Variants in DMC1 observed in about 807,000 individuals in gnomAD.
The protein encoded by DMC1 is DNA meiotic recombinase 1.
In DMC1, 27 loss-of-function variants were observed where a neutral mutation model predicts 50.1. That is an observed-to-expected ratio of 0.54 (90% CI 0.40 to 0.74). The LOEUF (loss-of-function observed/expected upper bound fraction) is 0.74, where lower values mean the gene tolerates loss of function less well. Ranked by LOEUF, DMC1 falls within the 30% of genes least tolerant of loss-of-function variation. DMC1 has a pLI of 0.00. For missense variants in DMC1, 295 were observed against 420.2 expected, an observed-to-expected ratio of 0.70 and a Z score of 2.60; for synonymous variants, 148 against 136.1, an observed-to-expected ratio of 1.09 and a Z score of -0.61.
chr22:38,535,551 GT>G (rs912421421), intron 12 of DMC1, among the ~76,000 whole-genome samples: 1 of 151,682 alleles, frequency 6.6e-6, no homozygotes, highest in African/African-American at 2.4e-5. Context: ...CATTGCACTA[GT>G]TTTTTAACTT....
At chr22:38,538,506 A>C in intron 10 of DMC1, 33 bp downstream of exon 10, 1 of 1,608,676 alleles carries the variant, frequency 6.2e-7, no homozygotes, top group Non-Finnish European at 8.5e-7. Flanking sequence ...TATGCTAAAT[A>C]GCTCTGTGAA....
intron 9 of DMC1, 124 bp from the exon 10 acceptor site, chr22:38,538,736 T>G (rs949748108): frequency 1.2e-6 from 1 of 865,172 alleles, no homozygotes; most frequent in African/African-American, 1.7e-5. Flanking sequence ...ATTGATGACT[T>G]TATTAAATAT....
At chr22:38,512,269 C>T in the DMC1 span, among the ~76,000 whole-genome samples, 3 of 152,044 alleles carry the variant, frequency 2.0e-5, no homozygotes, top group African/African-American at 7.2e-5. Flanking sequence ...GCCACTGCAC[C>T]CAGACTGCCT....
At chr22:38,557,008 A>G (rs1180458673) in intron 5 of DMC1, among the ~76,000 whole-genome samples, 2 of 152,184 alleles carry the variant, frequency 1.3e-5, no homozygotes, top group African/African-American at 4.8e-5. Context: ...GAAATCTTAT[A>G]GGCCCAGCAA....
At chr22:38,568,055 C>A in intron 2 of DMC1, 151 bp downstream of exon 2, 1 of 739,130 alleles carries the variant, frequency 1.4e-6, no homozygotes, top group Non-Finnish European at 2.3e-6. Context: ...CTAATCTTAG[C>A]ATCCTTGCCA....
At chr22:38,560,746 A>C (rs1178934721) in intron 5 of DMC1, among the ~76,000 whole-genome samples, 1 of 152,006 alleles carries the variant, frequency 6.6e-6, no homozygotes, top group African/African-American at 2.4e-5. Context: ...AGCATAAACA[A>C]ATGTAGAAAA....
rs181137457 is a variant in DMC1, at chr22:38,536,108, C to T, written c.836+1484G>A. Among the ~76,000 whole-genome samples, 355 of 151,440 alleles carry T rather than the reference C, an allele frequency of 2.3e-3. 1 individual carries two copies. The Middle Eastern group carries it at 0.031, about 13-fold the overall frequency. ...TGGCGATGTGTGCCTCCCAGCTGCT[C>T]GGGAGGCTGAGGCTGGAGCATCACC... On this transcript the variant is annotated intron_variant, in intron 12 of 13. Transcript: ENST00000216024.
chr22:38,561,217 C>T (rs1015013681), intron 5 of DMC1, among the ~76,000 whole-genome samples: 3 of 151,356 alleles, frequency 2.0e-5, no homozygotes, highest in Non-Finnish European at 4.4e-5. Context: ...CTCAGTTTGC[C>T]GTTAGGATGA....
At position 38,537,592 on chromosome 22, in the gene DMC1, G is replaced by T; in HGVS notation, c.836C>A (p.Thr279Asn). 6.2e-7 allele frequency: 1 copy of T among 1,612,860 alleles called. No individual in the cohort carries two copies. The highest frequency in any genetic ancestry group is 8.5e-7 in the Non-Finnish European group (1 of 1,178,940). Residue 279 changes from threonine (T) to asparagine (N), a missense_variant and splice_region_variant, in exon 12 of 14, where the codon ACC (threonine) becomes AAC (asparagine). By Grantham distance (65) the Thr-to-Asn change is moderately conservative (BLOSUM62 0). Coordinates refer to ENST00000216024, the MANE Select transcript of DMC1 (RefSeq NM_007068.4). ...TAAAAAGTAGAATATTGGGGCTTAC[G>T]TCATAGTTGCTCCTGGATCGGCAGT... is the stretch of plus-strand genomic sequence containing the variant. ...QMTADPGATM[T>N]FQADPKKPIG...
Position 38,570,063 on chromosome 22 carries a change from C to G in DMC1, c.-54G>C, listed in dbSNP as rs2090623519. ...CTTACCCCCCTCGTACCCACAGTCT[C>G]CCCGAGATTTTCAAGGTGAAGCCCC... On this transcript the variant is annotated 5_prime_UTR_variant, in exon 1 of 14. Transcript: ENST00000216024. The G allele has an allele frequency of 6.6e-6, 1 of 152,202 alleles. No individual in the cohort carries two copies. Among genetic ancestry groups the G allele is most frequent in the African/African-American group, 2.4e-5 (1 of 41,416 alleles). 9.4% of individuals were successfully genotyped at this position (152,202 alleles called of 1,614,324 possible). A position where few individuals can be genotyped will look rare whatever the true frequency, so the allele number is the denominator to read the frequency against.
At chr22:38,566,827 T>C in intron 3 of DMC1, 91 bp from the exon 4 acceptor site, 2 of 1,335,026 alleles carry the variant, frequency 1.5e-6, no homozygotes, top group Non-Finnish European at 2.1e-6. Flanking sequence ...TCCATCTCCT[T>C]CCACCATGAT....
At chr22:38,522,220 GGGTTACAAGCAC>G in intron 12 of DMC1, among the ~76,000 whole-genome samples, 2 of 150,716 alleles carry the variant, frequency 1.3e-5, no homozygotes, top group Admixed American at 1.3e-4. Flanking sequence ...CAAAGTGCTG[GGGTTACAAGCAC>G]GAGCCACTGT....
rs974898588 is a variant in DMC1, at chr22:38,538,602, C to G, written c.597G>C (p.Gln199His). The G allele has an allele frequency of 6.2e-7, 1 of 1,613,692 alleles. No individual in the cohort carries two copies. The highest frequency in any genetic ancestry group is 1.1e-5 in the South Asian group (1 of 91,086). The change falls in exon 10 of 14, where the codon CAG becomes CAC. Residue 199 changes from glutamine (Q) to histidine (H), a missense_variant. Gln to His is a conservative substitution (Grantham distance 24). Transcript: ENST00000216024. The part of the protein sequence containing the change: ...LYARAYTSEH[Q>H]MELLDYVAAK... ...CTGCTACATAATCAAGTAGCTCCAT[C>G]TGATGTTCACCTGATGGGAAATGCA...
intron 5 of DMC1, among the ~76,000 whole-genome samples, chr22:38,561,552 G>C (rs1411661604): frequency 6.6e-6 from 1 of 152,132 alleles, no homozygotes; most frequent in Non-Finnish European, 1.5e-5. Context: ...TCTAAGATGA[G>C]GGAGACTTTG....
intron 12 of DMC1, among the ~76,000 whole-genome samples, chr22:38,527,516 C>CTTTTT (rs891065117): frequency 1.6e-5 from 2 of 127,270 alleles, no homozygotes; most frequent in Non-Finnish European, 3.3e-5. Context: ...CCTTTTTCTC[C>CTTTTT]TTTTTTTTTT....
chr22:38,544,278 A>T (rs1301844891), intron 8 of DMC1, among the ~76,000 whole-genome samples: 1 of 152,230 alleles, frequency 6.6e-6, no homozygotes, highest in Non-Finnish European at 1.5e-5. Context: ...CTTATGGCAA[A>T]CCTGCCTTTC....
At chr22:38,536,936 C>T (rs1602730914) in intron 12 of DMC1, among the ~76,000 whole-genome samples, 1 of 152,112 alleles carries the variant, frequency 6.6e-6, no homozygotes, top group Non-Finnish European at 1.5e-5. Flanking sequence ...CTGCAACCTC[C>T]GCCTCCCAGG....
At chr22:38,552,538 TCTGCCTGTGTTTTAGTTTC>T in intron 7 of DMC1, 109 bp downstream of exon 7, 2 of 755,268 alleles carry the variant, frequency 2.6e-6, no homozygotes, top group Non-Finnish European at 4.6e-6. Context: ...GTTTACTTAA[TCTGCCTGTGTTTTAGTTTC>T]CTTGCAAGTA....
At chr22:38,534,774 G>T (rs1233345613) in intron 12 of DMC1, among the ~76,000 whole-genome samples, 1 of 151,878 alleles carries the variant, frequency 6.6e-6, no homozygotes, top group Non-Finnish European at 1.5e-5. Flanking sequence ...GGCCAAGGTG[G>T]GTGGAACACC....
Sources: allele counts gnomAD v4.1 joint callset (sites outside exome capture counted in the v4.1 genomes callset), GRCh38; gene constraint gnomAD v4.1.1; transcripts MANE v1.5; gene names NCBI Gene and HGNC (gene_info 2026-07-23, HGNC 2026-07-21).